The following ADGRL3 variants were observed in gnomAD, a reference collection of about 807,000 sequenced individuals.
The protein encoded by ADGRL3 is calcium-independent alpha-latrotoxin receptor 3.
ADGRL3 carries 62 observed loss-of-function variants against 153.5 expected under a neutral mutation model. The observed-to-expected ratio is 0.40, with a 90% CI of 0.33 to 0.50. ADGRL3 has a LOEUF of 0.50. Among genes scored for constraint, ADGRL3 ranks in the 20% least tolerant of loss-of-function variants. The pLI is 0.47. For synonymous variants in ADGRL3, 710 were observed against 672.5 expected (o/e 1.06, Z -0.86); for missense variants, 1,641 against 1,859.4 (o/e 0.88, Z 2.16).
At chr4:62,051,999 T>C (rs1210524043) in intron 25 of ADGRL3, among the ~76,000 whole-genome samples, 1 of 151,720 alleles carries the variant, frequency 6.6e-6, no homozygotes, top group Admixed American at 6.6e-5. Flanking sequence ...CTTGTATTTG[T>C]TGATAAATTT....
chr4:61,434,978 T>C lies in ADGRL3; in HGVS notation c.-174+51789T>C, dbSNP rs1056038831. Among the ~76,000 whole-genome samples, 16 of 152,168 alleles carry C rather than the reference T, an allele frequency of 1.1e-4. No individual in the cohort carries two copies. In the South Asian group the frequency reaches 2.3e-3, roughly 22 times the overall value. ...GGCCACTGAGATTTAAAAATATCACTCAAGTTCTATGAGAAGTTTTCAGAC... is the reference window on the plus strand; with the variant it reads ...GGCCACTGAGATTTAAAAATATCACCCAAGTTCTATGAGAAGTTTTCAGAC... On this transcript the variant is annotated intron_variant, in intron 2 of 26. Coordinates refer to ENST00000683033, the MANE Select transcript of ADGRL3 (RefSeq NM_001387552.1).
intron 8 of ADGRL3, among the ~76,000 whole-genome samples, chr4:61,773,513 C>T (rs567277717): frequency 4.6e-5 from 7 of 152,112 alleles, no homozygotes; most frequent in South Asian, 4.2e-4. Context: ...CTCACTTTTC[C>T]GAAAAGTAAA....
intron 17 of ADGRL3, among the ~76,000 whole-genome samples, chr4:61,968,267 T>C (rs1342838972): frequency 6.6e-6 from 1 of 152,190 alleles, no homozygotes; most frequent in Non-Finnish European, 1.5e-5. Context: ...TCTTAAATTC[T>C]AAAAATGAGT....
At chr4:61,389,032 A>G (rs959540683) in intron 2 of ADGRL3, among the ~76,000 whole-genome samples, 1 of 152,082 alleles carries the variant, frequency 6.6e-6, no homozygotes, top group Non-Finnish European at 1.5e-5. Flanking sequence ...TCTTTATAGC[A>G]TCCTTTTAAT....
At chr4:61,917,532 C>G (rs2098750393) in intron 13 of ADGRL3, among the ~76,000 whole-genome samples, 1 of 152,136 alleles carries the variant, frequency 6.6e-6, no homozygotes, top group African/African-American at 2.4e-5. Context: ...AAAGGAGGAA[C>G]TGTCTGTTTT....
Position 61,306,258 on chromosome 4 carries a change from C to T in ADGRL3, c.-239-76866C>T, listed in dbSNP as rs192562785. Among the ~76,000 whole-genome samples, 216 of 151,922 alleles carry T rather than the reference C, an allele frequency of 1.4e-3. 1 individual carries two copies. In the East Asian group the frequency reaches 0.031, roughly 22 times the overall value. ...GACTACAGGTACCCGCCACCACGCC[C>T]GGCTAATTTTTTTGTATTTTTAGTA... On this transcript the variant is annotated intron_variant, in intron 1 of 26. Transcript: ENST00000683033.
intron 2 of ADGRL3, among the ~76,000 whole-genome samples, chr4:61,426,317 C>T (rs752034560): frequency 1.3e-5 from 2 of 152,174 alleles, no homozygotes; most frequent in Non-Finnish European, 2.9e-5. Context: ...CTGAGTTCAG[C>T]CCACTGACTA....
chr4:61,846,948 A>ATGTGTGTGTGTGTGTGTGTGTGTGTGTG lies in ADGRL3; in HGVS notation c.1480+33082_1480+33083insGTGTGTGTGTGTGTGTGTGTGTGTGTGT, dbSNP rs72301670. Among the ~76,000 whole-genome samples the ATGTGTGTGTGTGTGTGTGTGTGTGTGTG allele has an allele frequency of 1.3e-3, 193 of 145,862 alleles. 2 individuals carry two copies. Among genetic ancestry groups the ATGTGTGTGTGTGTGTGTGTGTGTGTGTG allele is most frequent in the East Asian group, 6.6e-3 (32 of 4,862 alleles). On this transcript the variant is annotated intron_variant, in intron 9 of 26. Transcript: ENST00000683033. ...AGCCGTGAGGGATATTTTATATATTATGTGTGTGTGTGTGTGTGTGTGTAT... is the reference window on the plus strand; with the variant it reads ...AGCCGTGAGGGATATTTTATATATTATGTGTGTGTGTGTGTGTGTGTGTGTGTGTGTGTGTGTGTGTGTGTGTGTGTAT...
chr4:61,826,128 A>AAAATTATTG (rs531161635), intron 9 of ADGRL3, among the ~76,000 whole-genome samples: 319 of 152,326 alleles, frequency 2.1e-3, no homozygotes, highest in African/African-American at 7.3e-3. Flanking sequence ...GGACAATAAA[A>AAAATTATTG]AAATTATTGA....
intron 19 of ADGRL3, among the ~76,000 whole-genome samples, chr4:61,991,050 ATG>A (rs1165003189): frequency 6.6e-6 from 1 of 151,450 alleles, no homozygotes; most frequent in Non-Finnish European, 1.5e-5. Flanking sequence ...TGTAAACAGT[ATG>A]TATATATGTA....
chr4:61,301,645 A>G (rs1330371123), intron 1 of ADGRL3, among the ~76,000 whole-genome samples: 2 of 152,180 alleles, frequency 1.3e-5, no homozygotes, highest in African/African-American at 2.4e-5. Context: ...CTTTCCCCCA[A>G]AAGGGCCAAC....
At chr4:61,355,707 T>C (rs2096151698) in intron 1 of ADGRL3, among the ~76,000 whole-genome samples, 1 of 152,126 alleles carries the variant, frequency 6.6e-6, no homozygotes, top group Non-Finnish European at 1.5e-5. Context: ...GTAGATAGTG[T>C]CTAGTTGTTG....
At chr4:62,002,917 A>G (rs545363539) in intron 21 of ADGRL3, among the ~76,000 whole-genome samples, 15 of 152,302 alleles carry the variant, frequency 9.8e-5, no homozygotes, top group African/African-American at 3.1e-4. Context: ...CTGAAGTACT[A>G]TGACATGTGA....
intron 8 of ADGRL3, among the ~76,000 whole-genome samples, chr4:61,753,582 A>G (rs1364790224): frequency 2.6e-5 from 4 of 152,212 alleles, no homozygotes; most frequent in Admixed American, 2.6e-4. Context: ...ATTAATTTGA[A>G]GAGTTATAAT....
At chr4:61,804,967 T>TTC (rs1221808859) in intron 8 of ADGRL3, among the ~76,000 whole-genome samples, 4 of 150,776 alleles carry the variant, frequency 2.7e-5, no homozygotes, top group Non-Finnish European at 5.9e-5. Flanking sequence ...TTATTTATTT[T>TTC]TTTTTTGAGA....
intron 1 of ADGRL3, among the ~76,000 whole-genome samples, chr4:61,263,701 T>C (rs1353843581): frequency 6.6e-6 from 1 of 151,982 alleles, no homozygotes; most frequent in Non-Finnish European, 1.5e-5. Flanking sequence ...TCAAGTTCTG[T>C]CCATCAAAAT....
chr4:61,639,459 T>C (rs933863698), intron 5 of ADGRL3, among the ~76,000 whole-genome samples: 3 of 152,170 alleles, frequency 2.0e-5, no homozygotes, highest in African/African-American at 7.2e-5. Context: ...TGTTCTGAAA[T>C]TGGTTATCAA....
intron 4 of ADGRL3, among the ~76,000 whole-genome samples, chr4:61,585,956 TA>T (rs2098944819): frequency 6.6e-6 from 1 of 152,008 alleles, no homozygotes; most frequent in Admixed American, 6.6e-5. Context: ...AAATTTTACA[TA>T]AATGTAAGCA....
At chr4:61,630,527 C>G (rs2093097096) in intron 5 of ADGRL3, among the ~76,000 whole-genome samples, 1 of 152,186 alleles carries the variant, frequency 6.6e-6, no homozygotes, top group African/African-American at 2.4e-5. Context: ...CACTCTTTCT[C>G]TTTTTATCCT....
Sources: gnomAD v4.1 joint callset for allele counts (sites outside exome capture counted in the v4.1 genomes callset) on GRCh38, gnomAD v4.1.1 for gene constraint, MANE v1.5 for transcripts, NCBI Gene and HGNC (gene_info 2026-07-23, HGNC 2026-07-21) for gene names.